Variants in PCDHGB7 observed in about 807,000 individuals in gnomAD.
PCDHGB7 encodes protocadherin gamma subfamily B, 7, also known as protocadherin gamma-B7.
In PCDHGB7, 37 loss-of-function variants were observed where a neutral mutation model predicts 61.4. The ratio of observed to expected loss-of-function variants is 0.60; its 90% CI spans 0.46 to 0.79. The LOEUF (loss-of-function observed/expected upper bound fraction) is 0.79. Among genes scored for constraint, PCDHGB7 ranks in the 30% least tolerant of loss-of-function variants. The pLI is 0.00. For synonymous variants in PCDHGB7, 464 were observed against 503.5 expected (o/e 0.92, Z 1.05); for missense variants, 1,166 against 1,202.5 (o/e 0.97, Z 0.45).
In PCDHGB7 at chr5:141,489,950, A is replaced by G; in HGVS notation, c.2416-4857A>G. 2 of 1,614,192 alleles carry G rather than the reference A, an allele frequency of 1.2e-6. No individual in the cohort carries two copies. The highest frequency in any genetic ancestry group is 1.1e-5 in the South Asian group (1 of 91,088). ...TCTGTCATCGTGCTGGACATCAATG[A>G]TAATGCTCCAACCTTCCAATCCTCA... On this transcript the variant is annotated intron_variant, in intron 1 of 3. Transcript: ENST00000398594. The surrounding 1 kb of genome is among the most constrained non-coding windows in gnomAD (Gnocchi z 4.5).
chr5:141,428,168 C>A, intron 1 of PCDHGB7: 1 of 1,551,608 alleles, frequency 6.4e-7, no homozygotes, highest in Non-Finnish European at 8.8e-7. Context: ...GGTTGCTGTG[C>A]GTGACGGAGG....
intron 1 of PCDHGB7, among the ~76,000 whole-genome samples, chr5:141,447,378 T>C (rs2098536967): frequency 6.6e-6 from 1 of 152,148 alleles, no homozygotes; most frequent in Non-Finnish European, 1.5e-5. Context: ...ACCCTGGTGA[T>C]CTGCCCACCT....
intron 1 of PCDHGB7, among the ~76,000 whole-genome samples, chr5:141,457,665 G>A (rs2098927092): frequency 6.6e-6 from 1 of 152,330 alleles, no homozygotes; most frequent in Non-Finnish European, 1.5e-5. Flanking sequence ...AGCAAGAATG[G>A]TTATTTCTAC....
Position 141,485,844 on chromosome 5 carries a change from G to A in PCDHGB7, c.2416-8963G>A, listed in dbSNP as rs201857404. On this transcript the variant is annotated intron_variant, in intron 1 of 3. Transcript: ENST00000398594. The surrounding 1 kb of genome is among the most constrained non-coding windows in gnomAD (Gnocchi z 5.7). ...GATGGAGGGAACCCGCCGAGATCTGGCACCGCAGAGCTCCGGGTATCCGTG... is the reference window on the plus strand; with the variant it reads ...GATGGAGGGAACCCGCCGAGATCTGACACCGCAGAGCTCCGGGTATCCGTG... 6 of 1,613,890 alleles carry A rather than the reference G, an allele frequency of 3.7e-6. No homozygotes were observed. In the East Asian group the frequency reaches 1.1e-4, roughly 30 times the overall value.
At chr5:141,456,860 G>A (rs1345260160) in intron 1 of PCDHGB7, among the ~76,000 whole-genome samples, 1 of 152,170 alleles carries the variant, frequency 6.6e-6, no homozygotes, top group African/African-American at 2.4e-5. Flanking sequence ...CTAATTGGGA[G>A]GCTGAGGCAG....
chr5:141,473,233 C>T (rs116489525), intron 1 of PCDHGB7, among the ~76,000 whole-genome samples: 1,684 of 152,238 alleles, frequency 0.011, 34 homozygotes, highest in African/African-American at 0.039. Flanking sequence ...ATTGGATCCA[C>T]ACAAGTGAAT....
At chr5:141,496,236 C>T (rs1290509264) in intron 2 of PCDHGB7, among the ~76,000 whole-genome samples, 7 of 152,138 alleles carry the variant, frequency 4.6e-5, no homozygotes, top group Middle Eastern at 3.2e-3. Flanking sequence ...GAACCCCCTG[C>T]GGGCTGAAGG....
In PCDHGB7 at chr5:141,477,013, T is replaced by A. The variant is rs1285961519; in HGVS notation, c.2416-17794T>A. On this transcript the variant is annotated intron_variant, in intron 1 of 3. Coordinates refer to ENST00000398594, the MANE Select transcript of PCDHGB7 (RefSeq NM_018927.4). This position sits in a 1 kb window ranked among gnomAD's most constrained non-coding sequence, Gnocchi z 4.9. ...TGCGGCAACTATTCGCCTTAGACCT[T>A]GTAACCGGGATGCTGACAATCAAGG... is the stretch of plus-strand genomic sequence containing the variant. 6.2e-7 allele frequency: 1 copy of A among 1,614,204 alleles called. No individual in the cohort carries two copies. The highest frequency in any genetic ancestry group is 2.2e-5 in the East Asian group (1 of 44,878).
chr5:141,421,365 G>A (rs1189449968), intron 1 of PCDHGB7: 2 of 1,614,026 alleles, frequency 1.2e-6, no homozygotes, highest in South Asian at 1.1e-5. Flanking sequence ...GCTCCTTCGT[G>A]GGCAATATCT....
intron 1 of PCDHGB7, among the ~76,000 whole-genome samples, chr5:141,468,979 C>T (rs1394344696): frequency 6.7e-6 from 1 of 149,482 alleles, no homozygotes; most frequent in African/African-American, 2.5e-5. Flanking sequence ...CTTTTGACTT[C>T]CAAAATTATT....
Position 141,418,863 on chromosome 5 carries a change from TAG to T in PCDHGB7, c.1006_1007del (p.Glu336SerfsTer18), listed in dbSNP as rs1165304037. The T allele has an allele frequency of 6.2e-7, 1 of 1,613,990 alleles. No individual in the cohort carries two copies. Among genetic ancestry groups the T allele is most frequent in the Non-Finnish European group, 8.5e-7 (1 of 1,179,888 alleles). On this transcript the variant is annotated frameshift_variant, in exon 1 of 4. Transcript: ENST00000398594. LOFTEE classifies it high-confidence loss of function. ...CTCTCAACACGGTGTAAAGTAATTG[TAG>T]AAGTTGTAGACGAAAACGACAACAG...
At chr5:141,420,907 C>G (rs916293573) in intron 1 of PCDHGB7, 3 of 301,914 alleles carry the variant, frequency 9.9e-6, no homozygotes, top group Admixed American at 4.6e-5. Context: ...TCTACAAATA[C>G]GTGTGATTCA....
In PCDHGB7 at chr5:141,477,928, C is replaced by T; in HGVS notation, c.2416-16879C>T. On this transcript the variant is annotated intron_variant, in intron 1 of 3. Coordinates refer to ENST00000398594, the MANE Select transcript of PCDHGB7 (RefSeq NM_018927.4). This position sits in a 1 kb window ranked among gnomAD's most constrained non-coding sequence, Gnocchi z 4.9. ...GGGACGCGGATGCAGGGCACAATGC[C>T]TGGCTCTCCTACAGTCTCTTGGGAT... The T allele has an allele frequency of 6.2e-7, 1 of 1,614,186 alleles. No individual in the cohort carries two copies.
At chr5:141,438,305 G>T (rs1287488865) in intron 1 of PCDHGB7, among the ~76,000 whole-genome samples, 2 of 151,822 alleles carry the variant, frequency 1.3e-5, no homozygotes, top group East Asian at 1.9e-4. Context: ...AAAGAAGTTG[G>T]TACCACCATA....
intron 1 of PCDHGB7, chr5:141,423,928 G>C: frequency 8.1e-7 from 1 of 1,236,850 alleles, no homozygotes; most frequent in Non-Finnish European, 1.0e-6. Flanking sequence ...ATGCTGGTTT[G>C]GTTTGAAGTA....
intron 2 of PCDHGB7, among the ~76,000 whole-genome samples, chr5:141,497,501 C>T (rs1268186916): frequency 6.6e-6 from 1 of 151,182 alleles, no homozygotes; most frequent in Non-Finnish European, 1.5e-5. Flanking sequence ...TCTCTCCTCT[C>T]TCTGCTTCCT....
intron 1 of PCDHGB7, among the ~76,000 whole-genome samples, chr5:141,433,790 T>A (rs1052636810): frequency 2.0e-5 from 3 of 151,564 alleles, no homozygotes; most frequent in South Asian, 4.2e-4. Flanking sequence ...TGAGCTGAGA[T>A]TGTGCCATTG....
At chr5:141,506,053 T>C (rs1486313858) in intron 3 of PCDHGB7, among the ~76,000 whole-genome samples, 1 of 152,126 alleles carries the variant, frequency 6.6e-6, no homozygotes, top group Non-Finnish European at 1.5e-5. Context: ...TCCCATAAGG[T>C]TGACTAAGGG....
intron 1 of PCDHGB7, among the ~76,000 whole-genome samples, chr5:141,448,617 T>C (rs1318664360): frequency 2.0e-5 from 3 of 152,150 alleles, no homozygotes; most frequent in Non-Finnish European, 2.9e-5. Flanking sequence ...ACTTTATATC[T>C]TCCTTTCTTC....
Sources: allele counts gnomAD v4.1 joint callset (sites outside exome capture counted in the v4.1 genomes callset), GRCh38; gene constraint gnomAD v4.1.1; non-coding constraint Gnocchi (gnomAD v3.1); transcripts MANE v1.5; gene names NCBI Gene and HGNC (gene_info 2026-07-23, HGNC 2026-07-21).